UBAC2: variants seen among roughly 807,000 people sequenced by gnomAD.
UBAC2 encodes UBA domain containing 2.
Under a neutral mutation model 44.0 loss-of-function variants are expected in UBAC2, and 26 were observed. The ratio of observed to expected loss-of-function variants is 0.59; its 90% confidence interval spans 0.43 to 0.82. The LOEUF (loss-of-function observed/expected upper bound fraction) is 0.82. Ranked by LOEUF, UBAC2 falls within the 40% of genes least tolerant of loss-of-function variation. The pLI, the probability that UBAC2 is intolerant of heterozygous loss-of-function variation, is 0.00. For synonymous variants in UBAC2, 155 were observed against 154.3 expected, an observed-to-expected ratio of 1.00 and a Z score of -0.04; for missense variants, 329 against 419.4, an observed-to-expected ratio of 0.78 and a Z score of 1.88.
intron 4 of UBAC2, among the ~76,000 whole-genome samples, chr13:99,290,773 G>A (rs551061368): frequency 1.2e-3 from 186 of 151,906 alleles, no homozygotes; most frequent in Non-Finnish European, 2.3e-3. Flanking sequence ...GAAAAGATAG[G>A]GAAGAGTGCA....
At chr13:99,350,480 A>G (rs953015156) in intron 7 of UBAC2, among the ~76,000 whole-genome samples, 4 of 152,206 alleles carry the variant, frequency 2.6e-5, no homozygotes, top group Non-Finnish European at 5.9e-5. Context: ...ATATCTACAT[A>G]ATGAAGCTTC....
intron 1 of UBAC2, among the ~76,000 whole-genome samples, chr13:99,205,515 T>C (rs1387947057): frequency 6.6e-6 from 1 of 152,212 alleles, no homozygotes; most frequent in Non-Finnish European, 1.5e-5. Context: ...TCAGAAGAGC[T>C]AGCATGAGTG....
chr13:99,378,765 C>G (rs1482233784), intron 8 of UBAC2, among the ~76,000 whole-genome samples: 1 of 152,216 alleles, frequency 6.6e-6, no homozygotes, highest in Non-Finnish European at 1.5e-5. Flanking sequence ...TTGGCAACAG[C>G]ATGTGTGGCA....
chr13:99,209,114 C>T (rs931342800), intron 1 of UBAC2, among the ~76,000 whole-genome samples: 2 of 152,216 alleles, frequency 1.3e-5, no homozygotes, highest in African/African-American at 4.8e-5. Context: ...GTGCTCAGCA[C>T]GGCTTTTCCA....
intron 1 of UBAC2, chr13:99,201,177 A>T: frequency 1.5e-6 from 2 of 1,370,564 alleles, no homozygotes; most frequent in Non-Finnish European, 1.9e-6. Flanking sequence ...CCCACCTGGT[A>T]TCCCCAGGTG....
intron 7 of UBAC2, among the ~76,000 whole-genome samples, chr13:99,342,714 A>G (rs1360726306): frequency 1.3e-5 from 2 of 152,086 alleles, no homozygotes; most frequent in African/African-American, 4.8e-5. Context: ...AAGACACTTG[A>G]TGCTGTTCCT....
At chr13:99,270,147 G>A (rs972090197) in intron 4 of UBAC2, among the ~76,000 whole-genome samples, 13 of 152,160 alleles carry the variant, frequency 8.5e-5, no homozygotes, top group African/African-American at 3.1e-4. Context: ...CATGGGCTCA[G>A]CTCAGCACAG....
chr13:99,216,729 A>C lies in UBAC2; in HGVS notation c.31+15790A>C, dbSNP rs73565912. 9.9e-3 allele frequency among the ~76,000 whole-genome samples: 1,511 copies of C among 152,198 alleles called. 29 individuals are homozygous for C. The highest frequency in any genetic ancestry group is 0.035 in the African/African-American group (1,463 of 41,512). ...TTCTTTTATTTTGAAACAACTTTGG[A>C]AGGGCGGGAACGTGGACAGGTGTCC... On this transcript the variant is annotated intron_variant, in intron 1 of 8. Coordinates refer to ENST00000403766, the MANE Select transcript of UBAC2 (RefSeq NM_001144072.2).
chr13:99,290,728 CAAAAA>C (rs35343898), intron 4 of UBAC2, among the ~76,000 whole-genome samples: 1 of 93,802 alleles, frequency 1.1e-5, no homozygotes. Context: ...GTTTCACCAC[CAAAAA>C]AAAAAAAAAA....
chr13:99,317,886 C>T, intron 5 of UBAC2, 136 bp from the exon 6 acceptor site: 3 of 572,762 alleles, frequency 5.2e-6, no homozygotes, highest in Non-Finnish European at 2.8e-6. Context: ...ACTAATTTTC[C>T]ATTTGCTTCT....
intron 1 of UBAC2, among the ~76,000 whole-genome samples, chr13:99,233,759 T>G (rs188529082): frequency 6.6e-6 from 1 of 152,260 alleles, no homozygotes; most frequent in East Asian, 1.9e-4. Context: ...AAATTATCAT[T>G]ATGTAAACCC....
At chr13:99,236,947 T>C (rs1299362784) in intron 1 of UBAC2, among the ~76,000 whole-genome samples, 2 of 149,782 alleles carry the variant, frequency 1.3e-5, no homozygotes, top group Non-Finnish European at 3.0e-5. Context: ...ATTAGTACAG[T>C]CACGATGGAA....
intron 1 of UBAC2, among the ~76,000 whole-genome samples, chr13:99,236,315 T>C (rs1288929774): frequency 6.6e-6 from 1 of 152,224 alleles, no homozygotes; most frequent in Non-Finnish European, 1.5e-5. Flanking sequence ...TTAATCCATC[T>C]GACAAGGGAT....
intron 6 of UBAC2, among the ~76,000 whole-genome samples, chr13:99,321,308 T>C (rs914455490): frequency 6.6e-6 from 1 of 152,224 alleles, no homozygotes; most frequent in Non-Finnish European, 1.5e-5. Flanking sequence ...TTATTTTGTT[T>C]AGGCTAGCTT....
chr13:99,225,734 TG>T (rs1372759281), intron 1 of UBAC2, among the ~76,000 whole-genome samples: 6 of 152,238 alleles, frequency 3.9e-5, no homozygotes, highest in Admixed American at 3.9e-4. Flanking sequence ...AGTAAGCTTG[TG>T]TTCTAGTGGA....
At chr13:99,338,042 TTTTTC>T (rs1388115069) in intron 6 of UBAC2, among the ~76,000 whole-genome samples, 42 of 69,644 alleles carry the variant, frequency 6.0e-4, no homozygotes, top group African/African-American at 1.7e-3. Flanking sequence ...TTTTTTTCTT[TTTTTC>T]TTTTTTTTTT....
At chr13:99,210,626 C>T (rs375403795) in intron 1 of UBAC2, among the ~76,000 whole-genome samples, 2 of 152,048 alleles carry the variant, frequency 1.3e-5, no homozygotes. Flanking sequence ...TATAGGCATG[C>T]ACCACCACGT....
intron 4 of UBAC2, among the ~76,000 whole-genome samples, chr13:99,267,248 T>C (rs1165466431): frequency 2.0e-5 from 3 of 152,328 alleles, no homozygotes; most frequent in Admixed American, 2.0e-4. Context: ...TAGGAGCTCT[T>C]TATGTAATCT....
At chr13:99,349,100 G>T (rs1341327101) in intron 7 of UBAC2, among the ~76,000 whole-genome samples, 1 of 152,260 alleles carries the variant, frequency 6.6e-6, no homozygotes, top group Non-Finnish European at 1.5e-5. Flanking sequence ...ACGAGGGCAG[G>T]CTTTGCAGAG....
Sources: gnomAD v4.1 joint callset for allele counts (sites outside exome capture counted in the v4.1 genomes callset) on GRCh38, gnomAD v4.1.1 for gene constraint, MANE v1.5 for transcripts, NCBI Gene and HGNC (gene_info 2026-07-23, HGNC 2026-07-21) for gene names.